Variants in POU1F1 observed in about 807,000 individuals in gnomAD.
POU1F1 encodes the protein pituitary-specific positive transcription factor 1.
POU1F1 carries 23 observed loss-of-function variants against 32.3 expected under a neutral mutation model. The observed-to-expected ratio is 0.71, with a 90% CI of 0.51 to 1.01. The LOEUF is 1.01. Ranked by LOEUF, POU1F1 falls within the 50% of genes least tolerant of loss-of-function variation. The pLI is 0.00. For missense variants in POU1F1, 323 were observed against 341.6 expected, an observed-to-expected ratio of 0.95 and a Z score of 0.43; for synonymous variants, 120 against 115.6, an observed-to-expected ratio of 1.04 and a Z score of -0.25.
In POU1F1 at chr3:87,259,582, T is replaced by C. The variant is rs1706465364; in HGVS notation, c.*312A>G. The C allele has an allele frequency of 3.3e-6, 1 of 300,610 alleles. No homozygotes were observed. Among genetic ancestry groups the C allele is most frequent in the East Asian group, 8.8e-5 (1 of 11,322 alleles). 18.6% of individuals were successfully genotyped at this position (300,610 alleles called of 1,614,324 possible). On this transcript the variant is annotated 3_prime_UTR_variant, in exon 6 of 6. Transcript: ENST00000350375. ...AATATACATGTTTGGAAAAGGAACT[T>C]ATAAACCCATACTCATATGTCTGCG...
intron 2 of POU1F1, among the ~76,000 whole-genome samples, chr3:87,269,889 T>G (rs372443129): frequency 6.6e-6 from 1 of 152,118 alleles, no homozygotes; most frequent in East Asian, 1.9e-4. Context: ...GGTTTAACAT[T>G]TATTACAGTG....
At chr3:87,261,248 T>C (rs1476772558) in intron 5 of POU1F1, 25 bp downstream of exon 5, 4 of 1,475,038 alleles carry the variant, frequency 2.7e-6, no homozygotes, top group South Asian at 1.2e-5. Flanking sequence ...TTTTGTCCTC[T>C]AGTAACTTTT....
In POU1F1 at chr3:87,276,564, T is replaced by C. The variant is rs1706832775; in HGVS notation, c.-102A>G. The C allele has an allele frequency of 1.5e-6, 2 of 1,359,936 alleles. No homozygotes were observed. Among genetic ancestry groups the C allele is most frequent in the East Asian group, 5.0e-5 (2 of 40,314 alleles). 84.2% of individuals were successfully genotyped at this position (1,359,936 alleles called of 1,614,324 possible). ...GCCGATTCAATTCTCACTACCTGCA[T>C]ATATACATCAGGAAGGCTCTGAGGC... On this transcript the variant is annotated 5_prime_UTR_variant, in exon 1 of 6. The change creates a new upstream start codon in the 5' untranslated region. Transcript: ENST00000350375.
At chr3:87,273,288 C>G (rs1706760369) in intron 2 of POU1F1, 59 bp downstream of exon 2, 1 of 1,511,776 alleles carries the variant, frequency 6.6e-7, no homozygotes, top group African/African-American at 1.4e-5. Flanking sequence ...CTTTCAGGCC[C>G]AGAAAATCCA....
intron 2 of POU1F1, 56 bp from the exon 3 acceptor site, chr3:87,264,568 C>A: frequency 7.2e-7 from 1 of 1,393,256 alleles, no homozygotes; most frequent in Non-Finnish European, 1.0e-6. Flanking sequence ...CTCCTTATTT[C>A]TATATAAGAA....
intron 3 of POU1F1, 56 bp from the exon 4 acceptor site, chr3:87,262,291 G>T: frequency 1.3e-6 from 2 of 1,598,996 alleles, no homozygotes; most frequent in South Asian, 2.2e-5. Context: ...TGTTAATTTT[G>T]GTTCATTGTC....
chr3:87,273,790 T>A (rs572920617), intron 1 of POU1F1, among the ~76,000 whole-genome samples: 1 of 152,272 alleles, frequency 6.6e-6, no homozygotes, highest in African/African-American at 2.4e-5. Flanking sequence ...TGCTTGTTGG[T>A]TCTGTTCAAT....
intron 2 of POU1F1, 21 bp downstream of exon 2, chr3:87,273,326 G>A: frequency 6.2e-7 from 1 of 1,604,130 alleles, no homozygotes; most frequent in Non-Finnish European, 8.5e-7. Flanking sequence ...TCAATAACAT[G>A]TAAAAGACAA....
At position 87,266,358 on chromosome 3, in the gene POU1F1, T is replaced by G. The variant is rs1218920213; in HGVS notation, c.215-1846A>C. Among the ~76,000 whole-genome samples the G allele has an allele frequency of 2.0e-5, 3 of 147,206 alleles. No homozygotes were observed. The East Asian group carries it at 5.9e-4, about 29-fold the overall frequency. ...AAATATATAATTATAAATGTGTAAT[T>G]ATAAATATATAATTATAAATTTATA... On this transcript the variant is annotated intron_variant, in intron 2 of 5. Transcript: ENST00000350375.
chr3:87,273,499 G>T, intron 1 of POU1F1, 81 bp from the exon 2 acceptor site: 2 of 1,591,184 alleles, frequency 1.3e-6, no homozygotes, highest in Non-Finnish European at 1.7e-6. Flanking sequence ...AGATGGGACT[G>T]GTAAGAAAAT....
At chr3:87,271,823 G>C (rs993897492) in intron 2 of POU1F1, among the ~76,000 whole-genome samples, 1 of 152,008 alleles carries the variant, frequency 6.6e-6, no homozygotes, top group Non-Finnish European at 1.5e-5. Context: ...AAGACGTCAG[G>C]ATTTACAGGT....
At chr3:87,263,376 C>G (rs1706546035) in intron 3 of POU1F1, among the ~76,000 whole-genome samples, 1 of 151,956 alleles carries the variant, frequency 6.6e-6, no homozygotes, top group South Asian at 2.1e-4. Flanking sequence ...TTTCAACCAC[C>G]ATTTATTTAT....
At chr3:87,272,705 TCTCACTTAAGA>T (rs1706749838) in intron 2 of POU1F1, among the ~76,000 whole-genome samples, 2 of 152,156 alleles carry the variant, frequency 1.3e-5, no homozygotes, top group East Asian at 3.9e-4. Context: ...ATGATTTCAA[TCTCACTTAAGA>T]CTCACTCAGA....
At chr3:87,273,965 G>A (rs1170804932) in intron 1 of POU1F1, among the ~76,000 whole-genome samples, 2 of 152,164 alleles carry the variant, frequency 1.3e-5, no homozygotes, top group Non-Finnish European at 2.9e-5. Context: ...AAATGGCAGA[G>A]CAAGTAGCCT....
chr3:87,262,578 T>C (rs72563134), intron 3 of POU1F1, among the ~76,000 whole-genome samples: 5 of 152,080 alleles, frequency 3.3e-5, no homozygotes, highest in Admixed American at 2.6e-4. Context: ...TTATTGTTAG[T>C]TATCAAATAA....
chr3:87,260,742 TTC>T (rs1030044469), intron 5 of POU1F1, among the ~76,000 whole-genome samples: 1 of 152,086 alleles, frequency 6.6e-6, no homozygotes, highest in African/African-American at 2.4e-5. Context: ...ATTGTTTTCT[TTC>T]TGTTTGTATT....
chr3:87,262,191 C>A lies in POU1F1; in HGVS notation c.484G>T (p.Gly162Cys), dbSNP rs770232339. Residue 162 changes from glycine (G) to cysteine (C), a missense_variant, in exon 4 of 6, where the codon GGC becomes TGC. Gly to Cys is a radical substitution (Grantham distance 159). Coordinates refer to ENST00000350375, the MANE Select transcript of POU1F1 (RefSeq NM_000306.4). ...NVGEALAAVH[G>C]SEFSQTTICR... ...ATTGTTGTTTGACTGAATTCAGAGCCATGCACAGCTGCCAGGGCCTCCCCA... is the reference window on the plus strand; with the variant it reads ...ATTGTTGTTTGACTGAATTCAGAGCAATGCACAGCTGCCAGGGCCTCCCCA... 1.2e-6 allele frequency: 2 copies of A among 1,614,124 alleles called. No homozygotes were observed. The highest frequency in any genetic ancestry group is 2.2e-5 in the South Asian group (2 of 91,080).
chr3:87,274,538 C>A (rs1003442355), intron 1 of POU1F1, among the ~76,000 whole-genome samples: 1 of 151,362 alleles, frequency 6.6e-6, no homozygotes, highest in Non-Finnish European at 1.5e-5. Flanking sequence ...AGAGAAAAAT[C>A]TTTAATTTTT....
At chr3:87,270,283 G>C (rs1339902793) in intron 2 of POU1F1, among the ~76,000 whole-genome samples, 1 of 152,272 alleles carries the variant, frequency 6.6e-6, no homozygotes, top group East Asian at 1.9e-4. Flanking sequence ...CCACCACAAC[G>C]TAGATATGAA....
Sources: gnomAD v4.1 joint callset for allele counts (sites outside exome capture counted in the v4.1 genomes callset) on GRCh38, gnomAD v4.1.1 for gene constraint, MANE v1.5 for transcripts, NCBI Gene and HGNC (gene_info 2026-07-23, HGNC 2026-07-21) for gene names.